ATP12A: variants seen among roughly 807,000 people sequenced by gnomAD.
ATP12A encodes the protein ATPase H+/K+ transporting non-gastric alpha2 subunit, also known as potassium-transporting ATPase alpha chain 2.
In ATP12A, 81 loss-of-function variants were observed where a neutral mutation model predicts 111.2. The ratio of observed to expected loss-of-function variants is 0.73; its 90% CI spans 0.61 to 0.88. The LOEUF is 0.88. Ranked by LOEUF, ATP12A falls within the 40% of genes least tolerant of loss-of-function variation. The pLI, the probability that ATP12A is intolerant of heterozygous loss-of-function variation, is 0.00. For missense variants in ATP12A, 1,196 were observed against 1,313.1 expected (o/e 0.91, Z 1.38); for synonymous variants, 498 against 499.8 (o/e 1.00, Z 0.05).
In ATP12A at chr13:24,690,705, C is replaced by T. The variant is rs1282865568; in HGVS notation, c.783C>T (p.Ser261=). 1 of 1,613,678 alleles carries T rather than the reference C, an allele frequency of 6.2e-7. No individual in the cohort carries two copies. The highest frequency in any genetic ancestry group is 2.2e-5 in the East Asian group (1 of 44,878). Residue 261 remains serine, a synonymous_variant, in exon 7 of 23, where the codon TCC becomes TCT. Transcript: ENST00000381946. ...AAACAAAGAACATCTGCTTCTATTC[C>T]ACAACGTGTCTGGAAGGTAAAAGGC... ...PLETKNICFY[S]TTCLEGTVTG... is the part of the protein sequence containing the mutation.
At chr13:24,706,237 C>T in intron 14 of ATP12A, 76 bp from the exon 15 acceptor site, 1 of 1,553,806 alleles carries the variant, frequency 6.4e-7, no homozygotes, top group Non-Finnish European at 8.7e-7. Context: ...AGGCTTCAGC[C>T]AGCATCCTGC....
At chr13:24,710,673 G>A in intron 20 of ATP12A, 80 bp downstream of exon 20, 1 of 1,608,252 alleles carries the variant, frequency 6.2e-7, no homozygotes, top group Non-Finnish European at 8.5e-7. Context: ...TCACAAGACA[G>A]AGTTCTGGCC....
In ATP12A at chr13:24,691,228, A is replaced by G; in HGVS notation, c.1046A>G (p.Glu349Gly). The change falls in exon 8 of 23, where the codon GAG (glutamate) becomes GGG (glycine). Residue 349 changes from glutamate to glycine, a missense_variant. By Grantham distance (98) the Glu-to-Gly change is moderately conservative (BLOSUM62 -2). This residue lies in a region of ATP12A where 1,126 missense variants were observed against 1,228.5 expected (regional missense o/e 0.92). Coordinates refer to ENST00000381946, the MANE Select transcript of ATP12A (RefSeq NM_001676.7). The part of the protein sequence containing the change: ...LIGIIVANVP[E>G]GLLATVTVTL... ...GGCATCATTGTGGCCAATGTGCCCG[A>G]GGGCCTCCTGGCCACTGTCACTGTG... is the stretch of plus-strand genomic sequence containing the variant. 15 of 1,613,198 alleles carry G rather than the reference A, an allele frequency of 9.3e-6. No homozygotes were observed. Among genetic ancestry groups the G allele is most frequent in the Non-Finnish European group, 1.3e-5 (15 of 1,179,584 alleles).
intron 11 of ATP12A, among the ~76,000 whole-genome samples, chr13:24,697,717 C>T (rs1875226263): frequency 1.0e-5 from 1 of 96,940 alleles, no homozygotes; most frequent in South Asian, 4.0e-4. Context: ...AGTGATAGAG[C>T]TGGGAGGTTT....
chr13:24,709,656 T>C (rs749138201), intron 18 of ATP12A, 27 bp from the exon 19 acceptor site: 1 of 1,611,864 alleles, frequency 6.2e-7, no homozygotes, highest in Non-Finnish European at 8.5e-7. Flanking sequence ...TCATAGAACC[T>C]GTGTCCTATC....
intron 18 of ATP12A, 73 bp from the exon 19 acceptor site, chr13:24,709,610 C>T (rs1363975555): frequency 1.9e-5 from 30 of 1,595,462 alleles, no homozygotes; most frequent in Middle Eastern, 1.7e-4. Flanking sequence ...GAGGGGGAAC[C>T]GAGAGTAGAC....
At chr13:24,684,848 CT>C (rs1405741205) in intron 2 of ATP12A, among the ~76,000 whole-genome samples, 1 of 152,200 alleles carries the variant, frequency 6.6e-6, no homozygotes, top group Non-Finnish European at 1.5e-5. Context: ...AGGGAAGCTG[CT>C]TTTCCCTGCC....
Position 24,694,440 on chromosome 13 carries a change from C to T in ATP12A, c.1378-4C>T, listed in dbSNP as rs760300633. ...TGCAAATATTTTTCTTCTTTGATTC[C>T]CAGAAAGCTGTGATTGGAGATGCCT... On this transcript the variant is annotated splice_polypyrimidine_tract_variant and splice_region_variant and intron_variant, in intron 10 of 22. Transcript: ENST00000381946. The T allele has an allele frequency of 7.4e-6, 12 of 1,611,946 alleles. No homozygotes were observed. The highest frequency in any genetic ancestry group is 1.1e-5 in the South Asian group (1 of 90,736).
At chr13:24,710,697 C>A in intron 20 of ATP12A, 95 bp from the exon 21 acceptor site, 1 of 1,602,264 alleles carries the variant, frequency 6.2e-7, no homozygotes, top group East Asian at 2.2e-5. Flanking sequence ...CTTGTAACCC[C>A]AGAGGCATTG....
At chr13:24,684,371 A>G (rs964332826) in intron 2 of ATP12A, among the ~76,000 whole-genome samples, 3 of 152,184 alleles carry the variant, frequency 2.0e-5, no homozygotes. Flanking sequence ...ACATGGAACT[A>G]TTTTTTGCAT....
Position 24,698,689 on chromosome 13 carries a change from G to A in ATP12A, c.1544G>A (p.Gly515Asp), listed in dbSNP as rs370686149. 13 of 1,613,646 alleles carry A rather than the reference G, an allele frequency of 8.1e-6. No individual in the cohort carries two copies. Among genetic ancestry groups the A allele is most frequent in the Non-Finnish European group, 1.0e-5 (12 of 1,180,010 alleles). Residue 515 changes from glycine (G) to aspartate (D), a missense_variant, in exon 12 of 23, where the codon GGC becomes GAC. Coordinates refer to ENST00000381946, the MANE Select transcript of ATP12A (RefSeq NM_001676.7). ...ATCCACGAGATGGATGACCCCCACGGCAAGCGCTTCCTCATGGTGATGAAG... is the reference window on the plus strand; with the variant it reads ...ATCCACGAGATGGATGACCCCCACGACAAGCGCTTCCTCATGGTGATGAAG... ...LSIHEMDDPHGKRFLMVMKGA... is the reference protein window; with the variant it reads ...LSIHEMDDPHDKRFLMVMKGA...
intron 9 of ATP12A, 51 bp from the exon 10 acceptor site, chr13:24,692,736 T>C (rs774310407): frequency 2.5e-6 from 4 of 1,604,332 alleles, no homozygotes; most frequent in African/African-American, 2.7e-5. Context: ...CAGTGACTCA[T>C]GGACGGCCAG....
chr13:24,701,677 T>G (rs1875403355), intron 13 of ATP12A, among the ~76,000 whole-genome samples: 1 of 152,160 alleles, frequency 6.6e-6, no homozygotes, highest in Non-Finnish European at 1.5e-5. Context: ...ACCAGCCCTT[T>G]CACAAATAAA....
rs2137720199 is a variant in ATP12A, at chr13:24,707,085, C to G, written c.2232C>G (p.Asp744Glu). The G allele has an allele frequency of 6.2e-7, 1 of 1,614,090 alleles. No individual in the cohort carries two copies. The highest frequency in any genetic ancestry group is 1.7e-5 in the Admixed American group (1 of 60,016). ...ACTCTCCGGCTCTAAAGAAGGCAGA[C>G]ATTGGGATTGCCATGGGGATAGCAG... ...VNDSPALKKADIGIAMGIAGS... is the reference protein window; with the variant it reads ...VNDSPALKKAEIGIAMGIAGS... Residue 744 changes from aspartate (D) to glutamate (E), a missense_variant, in exon 16 of 23, where the codon GAC becomes GAG. Transcript: ENST00000381946.
chr13:24,702,984 T>C (rs1476959169), intron 14 of ATP12A, among the ~76,000 whole-genome samples: 1 of 152,206 alleles, frequency 6.6e-6, no homozygotes, highest in Non-Finnish European at 1.5e-5. Flanking sequence ...AATGCACCTC[T>C]TCAGTTTCCC....
intron 2 of ATP12A, among the ~76,000 whole-genome samples, chr13:24,683,979 A>G (rs1212743346): frequency 1.3e-5 from 2 of 152,156 alleles, no homozygotes; most frequent in African/African-American, 4.8e-5. Context: ...AGGGCCAGGC[A>G]GTGACCCGAG....
At chr13:24,687,811 A>G (rs1874724172) in intron 3 of ATP12A, among the ~76,000 whole-genome samples, 1 of 152,216 alleles carries the variant, frequency 6.6e-6, no homozygotes, top group African/African-American at 2.4e-5. Context: ...GAGTTACTGC[A>G]TTGCCCTTAG....
At chr13:24,686,218 C>T (rs1362263952) in intron 3 of ATP12A, among the ~76,000 whole-genome samples, 1 of 151,970 alleles carries the variant, frequency 6.6e-6, no homozygotes, top group East Asian at 1.9e-4. Context: ...GTGGGCAGAT[C>T]ACCTGAGGTC....
At chr13:24,704,729 T>C in intron 14 of ATP12A, 1 of 235,776 alleles carries the variant, frequency 4.2e-6, no homozygotes, top group Non-Finnish European at 8.6e-6. Flanking sequence ...TGTGGGAAGG[T>C]GCATTGAAAT....
Sources: gnomAD v4.1 joint callset for allele counts (sites outside exome capture counted in the v4.1 genomes callset) on GRCh38, gnomAD v4.1.1 for gene constraint, gnomAD v4.1.1 regional missense constraint, MANE v1.5 for transcripts, NCBI Gene and HGNC (gene_info 2026-07-23, HGNC 2026-07-21) for gene names.